Variants in JAKMIP2 observed in about 807,000 individuals in gnomAD.
JAKMIP2 encodes janus kinase and microtubule-interacting protein 2.
Under a neutral mutation model 115.0 loss-of-function variants are expected in JAKMIP2, and 25 were observed. The ratio of observed to expected loss-of-function variants is 0.22; its 90% confidence interval spans 0.16 to 0.30. The LOEUF (loss-of-function observed/expected upper bound fraction) is 0.30. Ranked by LOEUF, JAKMIP2 falls within the 10% of genes least tolerant of loss-of-function variation. The pLI, the probability that JAKMIP2 is intolerant of heterozygous loss-of-function variation, is 1.00. For missense variants in JAKMIP2, 642 were observed against 957.6 expected (o/e 0.67, Z 4.35); for synonymous variants, 334 against 343.6 (o/e 0.97, Z 0.31).
At chr5:147,704,527 A>G (rs1445567796) in intron 1 of JAKMIP2, among the ~76,000 whole-genome samples, 1 of 152,096 alleles carries the variant, frequency 6.6e-6, no homozygotes, top group East Asian at 1.9e-4. Flanking sequence ...GTTTGGTGTT[A>G]GGGAAGAGAG....
intron 2 of JAKMIP2, among the ~76,000 whole-genome samples, chr5:147,663,801 TATCCTCAAATAACC>T (rs1378444870): frequency 1.3e-5 from 2 of 152,166 alleles, no homozygotes; most frequent in African/African-American, 2.4e-5. Context: ...AGCAGCCAGA[TATCCTCAAATAACC>T]ATCCTCTGAT....
chr5:147,660,816 G>C, intron 3 of JAKMIP2, 132 bp downstream of exon 3: 1 of 975,996 alleles, frequency 1.0e-6, no homozygotes, highest in South Asian at 1.6e-5. Context: ...ATCTTGGATA[G>C]AGCACTGGAC....
intron 2 of JAKMIP2, among the ~76,000 whole-genome samples, chr5:147,667,841 C>T (rs143010862): frequency 0.011 from 1,746 of 152,222 alleles, 23 homozygotes; most frequent in Non-Finnish European, 0.014. Flanking sequence ...GGGACAGTCA[C>T]TCGAGGATAG....
intron 15 of JAKMIP2, among the ~76,000 whole-genome samples, chr5:147,629,153 G>T (rs79784682): frequency 3.3e-5 from 5 of 152,108 alleles, no homozygotes; most frequent in African/African-American, 9.7e-5. Flanking sequence ...TACTAATTCT[G>T]TTCTCTCCTT....
intron 1 of JAKMIP2, among the ~76,000 whole-genome samples, chr5:147,718,576 G>A (rs1753116772): frequency 6.6e-6 from 1 of 151,246 alleles, no homozygotes; most frequent in Non-Finnish European, 1.5e-5. Flanking sequence ...TTAGTCTTGG[G>A]AGAGTGTATG....
chr5:147,641,236 T>C (rs77063472), intron 8 of JAKMIP2, among the ~76,000 whole-genome samples: 3,926 of 152,172 alleles, frequency 0.026, 191 homozygotes, highest in African/African-American at 0.089. Flanking sequence ...GTATACTTGG[T>C]AAAAACCAAA....
At chr5:147,734,185 C>A (rs1231361056) in intron 1 of JAKMIP2, among the ~76,000 whole-genome samples, 1 of 152,008 alleles carries the variant, frequency 6.6e-6, no homozygotes, top group Non-Finnish European at 1.5e-5. Flanking sequence ...TAGAGAAATG[C>A]AAATCAAAAC....
chr5:147,778,129 A>C (rs1367081172), intron 1 of JAKMIP2, among the ~76,000 whole-genome samples: 3 of 152,106 alleles, frequency 2.0e-5, no homozygotes, highest in Non-Finnish European at 4.4e-5. Flanking sequence ...CCCAACCTCT[A>C]TGTCATTAAA....
At chr5:147,629,243 C>T (rs58648568) in intron 15 of JAKMIP2, among the ~76,000 whole-genome samples, 2,112 of 152,234 alleles carry the variant, frequency 0.014, 55 homozygotes, top group African/African-American at 0.049. Context: ...AATGGTCCTC[C>T]CACTGAATTA....
intron 1 of JAKMIP2, among the ~76,000 whole-genome samples, chr5:147,776,911 G>C (rs555131459): frequency 6.6e-6 from 1 of 152,258 alleles, no homozygotes; most frequent in East Asian, 1.9e-4. Flanking sequence ...CAGGGCAACA[G>C]AGTGAGACCC....
intron 3 of JAKMIP2, among the ~76,000 whole-genome samples, chr5:147,659,149 T>C (rs1421206300): frequency 6.6e-6 from 1 of 151,636 alleles, no homozygotes; most frequent in African/African-American, 2.4e-5. Flanking sequence ...CCCAGATTTG[T>C]GCTTGAAACC....
At chr5:147,640,555 T>C in intron 9 of JAKMIP2, 149 bp downstream of exon 9, 1 of 718,786 alleles carries the variant, frequency 1.4e-6, no homozygotes, top group Non-Finnish European at 2.2e-6. Flanking sequence ...CAAGAGATAA[T>C]AAAGTGCAGC....
At chr5:147,604,758 A>T (rs1415889840) in intron 20 of JAKMIP2, among the ~76,000 whole-genome samples, 1 of 151,738 alleles carries the variant, frequency 6.6e-6, no homozygotes, top group Non-Finnish European at 1.5e-5. Flanking sequence ...CATCCTTGCT[A>T]TTTCCCTCAG....
intron 3 of JAKMIP2, among the ~76,000 whole-genome samples, chr5:147,659,231 G>T (rs1018821398): frequency 2.0e-5 from 3 of 152,192 alleles, no homozygotes; most frequent in Non-Finnish European, 4.4e-5. Flanking sequence ...TGGGAAAAGC[G>T]TAGTACCTTG....
chr5:147,779,385 C>T (rs942910965), intron 1 of JAKMIP2, among the ~76,000 whole-genome samples: 1 of 151,876 alleles, frequency 6.6e-6, no homozygotes, highest in Non-Finnish European at 1.5e-5. Flanking sequence ...CACATTTAAA[C>T]ATTAATTTGT....
intron 14 of JAKMIP2, among the ~76,000 whole-genome samples, chr5:147,631,156 G>T (rs529186286): frequency 6.6e-6 from 1 of 152,092 alleles, no homozygotes; most frequent in Non-Finnish European, 1.5e-5. Context: ...TTGATGCAGC[G>T]TCTTTCTTCA....
chr5:147,720,953 T>C (rs1016423071), intron 1 of JAKMIP2, among the ~76,000 whole-genome samples: 7 of 151,692 alleles, frequency 4.6e-5, no homozygotes, highest in African/African-American at 1.5e-4. Flanking sequence ...AGTTTTTCTG[T>C]TCTGTTTTTT....
chr5:147,675,842 A>G (rs1213271951), intron 1 of JAKMIP2, among the ~76,000 whole-genome samples: 1 of 137,502 alleles, frequency 7.3e-6, no homozygotes, highest in Non-Finnish European at 1.5e-5. Flanking sequence ...AATGTTTTCC[A>G]GGTTCATCCA....
intron 1 of JAKMIP2, among the ~76,000 whole-genome samples, chr5:147,782,113 G>A (rs549778747): frequency 1.3e-5 from 2 of 152,292 alleles, no homozygotes; most frequent in South Asian, 4.1e-4. Context: ...CAAATGAAAT[G>A]ATTCCTTTCA....
Sources: allele counts gnomAD v4.1 joint callset (sites outside exome capture counted in the v4.1 genomes callset), GRCh38; gene constraint gnomAD v4.1.1; transcripts MANE v1.5; gene names NCBI Gene and HGNC (gene_info 2026-07-23, HGNC 2026-07-21).